Variants in FNDC3B observed in about 807,000 individuals in gnomAD.
FNDC3B encodes the protein fibronectin type III domain-containing protein 3B.
A neutral mutation model predicts 151.5 loss-of-function variants in FNDC3B; 12 were observed. The ratio of observed to expected loss-of-function variants is 0.08; its 90% CI spans 0.05 to 0.13. FNDC3B has a LOEUF of 0.13. Ranked by LOEUF, FNDC3B falls within the 10% of genes least tolerant of loss-of-function variation. FNDC3B has a pLI of 1.00. For synonymous variants in FNDC3B, 528 were observed against 549.0 expected, an observed-to-expected ratio of 0.96 and a Z score of 0.54; for missense variants, 1,214 against 1,505.3, an observed-to-expected ratio of 0.81 and a Z score of 3.20.
chr3:172,080,573 A>G (rs1166048350), intron 1 of FNDC3B, among the ~76,000 whole-genome samples: 1 of 151,902 alleles, frequency 6.6e-6, no homozygotes, highest in African/African-American at 2.4e-5. Flanking sequence ...GCACTGTACT[A>G]GGCCTGAATC....
intron 3 of FNDC3B, among the ~76,000 whole-genome samples, chr3:172,198,665 A>G (rs1724976013): frequency 6.6e-6 from 1 of 152,158 alleles, no homozygotes; most frequent in African/African-American, 2.4e-5. Flanking sequence ...TCCACATTGC[A>G]TAACAGGCCA....
At chr3:172,343,262 T>C (rs1733429248) in intron 18 of FNDC3B, 146 bp downstream of exon 18, 2 of 593,326 alleles carry the variant, frequency 3.4e-6, no homozygotes, top group Non-Finnish European at 6.1e-6. Flanking sequence ...TCTTGAAGTA[T>C]GTTGACCCAG....
At position 172,376,808 on chromosome 3, in the gene FNDC3B, G is replaced by A. The variant is rs575482078; in HGVS notation, c.3009-1462G>A. ...ATTGCAGAGGCTGATGAATACACAC[G>A]TGGATATTTTAAAGTAAGCATTGAC... On this transcript the variant is annotated intron_variant, in intron 23 of 25. Coordinates refer to ENST00000415807, the MANE Select transcript of FNDC3B (RefSeq NM_022763.4). 8.0e-5 allele frequency among the ~76,000 whole-genome samples: 12 copies of A among 149,776 alleles called. No homozygotes were observed. The South Asian group carries it at 2.3e-3, about 29-fold the overall frequency.
rs984483412 is a variant in FNDC3B at position 172,343,034 on chromosome 3, C to T, written c.1995C>T (p.Arg665=). The change falls in exon 18 of 26, where the codon CGC becomes CGT. Residue 665 remains arginine, a synonymous_variant. Transcript: ENST00000415807. ...HSQCSESLPV[R]TLSIAPGQCR... is the part of the protein sequence containing the mutation. ...AGTGTTCTGAAAGTCTCCCTGTTCGCACACTAAGCATTGCACCAGGTCAAT... is the reference window on the plus strand; with the variant it reads ...AGTGTTCTGAAAGTCTCCCTGTTCGTACACTAAGCATTGCACCAGGTCAAT... 32 of 1,611,954 alleles carry T rather than the reference C, an allele frequency of 2.0e-5. No homozygotes were observed. The highest frequency in any genetic ancestry group is 5.3e-5 in the African/African-American group (4 of 74,834).
intron 1 of FNDC3B, among the ~76,000 whole-genome samples, chr3:172,075,048 T>C (rs2108491303): frequency 6.6e-6 from 1 of 152,366 alleles, no homozygotes; most frequent in East Asian, 1.9e-4. Context: ...CTTGTCTTTG[T>C]GTCTTCTAAA....
chr3:172,136,729 T>G (rs1478159217), intron 3 of FNDC3B, among the ~76,000 whole-genome samples: 3 of 152,154 alleles, frequency 2.0e-5, no homozygotes, highest in Non-Finnish European at 4.4e-5. Context: ...TTTGTTTGTT[T>G]TTTGTTTTGA....
intron 3 of FNDC3B, among the ~76,000 whole-genome samples, chr3:172,177,137 C>A (rs1723634664): frequency 6.6e-6 from 1 of 152,186 alleles, no homozygotes; most frequent in Admixed American, 6.5e-5. Flanking sequence ...TAACAGGATT[C>A]TTTGCTAAAA....
intron 2 of FNDC3B, among the ~76,000 whole-genome samples, chr3:172,122,628 G>A (rs1417676231): frequency 6.6e-6 from 1 of 152,216 alleles, no homozygotes; most frequent in Non-Finnish European, 1.5e-5. Context: ...CTGTTGAGAG[G>A]GAATGTGTTT....
At chr3:172,209,305 C>G (rs1725603536) in intron 3 of FNDC3B, among the ~76,000 whole-genome samples, 1 of 152,162 alleles carries the variant, frequency 6.6e-6, no homozygotes, top group African/African-American at 2.4e-5. Context: ...CCGCCCACAG[C>G]TGGGCAAGCT....
intron 6 of FNDC3B, among the ~76,000 whole-genome samples, chr3:172,281,727 A>G (rs1261597798): frequency 6.6e-6 from 1 of 152,200 alleles, no homozygotes; most frequent in East Asian, 1.9e-4. Context: ...GCTCACACCA[A>G]GTACCAAGTT....
intron 1 of FNDC3B, among the ~76,000 whole-genome samples, chr3:172,041,366 T>C (rs890838190): frequency 1.3e-5 from 2 of 149,626 alleles, no homozygotes; most frequent in Non-Finnish European, 3.0e-5. Flanking sequence ...TCGTTTTCTT[T>C]CTTTCTTTCT....
intron 25 of FNDC3B, among the ~76,000 whole-genome samples, chr3:172,392,894 C>A (rs376511924): frequency 7.4e-6 from 1 of 135,872 alleles, no homozygotes; most frequent in Non-Finnish European, 1.6e-5. Flanking sequence ...AAAACCTCCA[C>A]CTCCCATGTC....
chr3:172,075,329 A>G (rs950892185), intron 1 of FNDC3B, among the ~76,000 whole-genome samples: 10 of 152,120 alleles, frequency 6.6e-5, no homozygotes, highest in South Asian at 6.2e-4. Context: ...TGGAGGCATG[A>G]TATTCTAGTC....
At chr3:172,291,566 G>T (rs1222128197) in intron 7 of FNDC3B, among the ~76,000 whole-genome samples, 1 of 152,176 alleles carries the variant, frequency 6.6e-6, no homozygotes, top group African/African-American at 2.4e-5. Flanking sequence ...ATATGCAAAT[G>T]TATACTAGTA....
rs752725372 is a variant in FNDC3B at position 172,298,672 on chromosome 3, AT to A, written c.1002-55del. 26 of 1,305,060 alleles carry A rather than the reference AT, an allele frequency of 2.0e-5. No homozygotes were observed. The South Asian group carries it at 3.0e-4, about 15-fold the overall frequency. 80.8% of individuals were successfully genotyped at this position (1,305,060 alleles called of 1,614,324 possible). On this transcript the variant is annotated intron_variant, in intron 8 of 25. Coordinates refer to ENST00000415807, the MANE Select transcript of FNDC3B (RefSeq NM_022763.4). Reference sequence around the variant, plus strand: ...ACATTACTGGACACCCAAATTCCAAATCTCGTTTGCTTTTGAAACTGGAATT... The same window carrying A: ...ACATTACTGGACACCCAAATTCCAAACTCGTTTGCTTTTGAAACTGGAATT...
chr3:172,381,149 C>T, intron 25 of FNDC3B, 56 bp downstream of exon 25: 1 of 1,591,302 alleles, frequency 6.3e-7, no homozygotes, highest in Admixed American at 1.7e-5. Context: ...CTCCATGCCT[C>T]TGCTTATTGC....
intron 1 of FNDC3B, among the ~76,000 whole-genome samples, chr3:172,052,729 ATT>A (rs917150510): frequency 1.3e-5 from 2 of 152,110 alleles, no homozygotes; most frequent in Non-Finnish European, 2.9e-5. Flanking sequence ...TTTCAGGTGA[ATT>A]ATATGATCAG....
chr3:172,295,467 G>A lies in FNDC3B; in HGVS notation c.954G>A (p.Val318=). The change falls in exon 8 of 26, where the codon GTG becomes GTA. Residue 318 remains valine, a synonymous_variant. Transcript: ENST00000415807. ...TTTCCTTCCCCTACAGTTACGAGGT[G>A]GCCTTATCAGACAAAGGACGAGATG... is the stretch of plus-strand genomic sequence containing the variant. ...SGLSFPYSYE[V]ALSDKGRDGK... is the part of the protein sequence containing the mutation. 1.2e-6 allele frequency: 2 copies of A among 1,613,976 alleles called. No individual in the cohort carries two copies. Among genetic ancestry groups the A allele is most frequent in the Non-Finnish European group, 8.5e-7 (1 of 1,179,896 alleles).
intron 3 of FNDC3B, among the ~76,000 whole-genome samples, chr3:172,151,442 C>T (rs962554650): frequency 3.9e-5 from 6 of 152,086 alleles, no homozygotes; most frequent in African/African-American, 7.2e-5. Flanking sequence ...ACCGTCTCCC[C>T]GACTCCACTC....
Sources: gnomAD v4.1 joint callset for allele counts (sites outside exome capture counted in the v4.1 genomes callset) on GRCh38, gnomAD v4.1.1 for gene constraint, MANE v1.5 for transcripts, NCBI Gene and HGNC (gene_info 2026-07-23, HGNC 2026-07-21) for gene names.